Variants in CDK13 observed in about 807,000 individuals in gnomAD.
The protein encoded by CDK13 is cyclin dependent kinase 13, also known as cyclin-dependent kinase 13.
CDK13 carries 40 observed loss-of-function variants against 137.6 expected under a neutral mutation model. The ratio of observed to expected loss-of-function variants is 0.29; its 90% confidence interval spans 0.23 to 0.38. CDK13 has a LOEUF of 0.38. Among genes scored for constraint, CDK13 ranks in the 10% least tolerant of loss-of-function variants. The probability of loss-of-function intolerance (pLI) is 1.00; values close to 1 mark genes in which losing one functional copy is unlikely to be tolerated. For missense variants in CDK13, 1,704 were observed against 1,951.8 expected, an observed-to-expected ratio of 0.87 and a Z score of 2.39; for synonymous variants, 869 against 760.1, an observed-to-expected ratio of 1.14 and a Z score of -2.36.
chr7:39,980,361 A>G (rs1399969396), intron 1 of CDK13, among the ~76,000 whole-genome samples: 2 of 152,192 alleles, frequency 1.3e-5, no homozygotes, highest in African/African-American at 4.8e-5. Flanking sequence ...AGTAATATAG[A>G]TTAGAGTGGA....
chr7:40,018,106 T>G (rs1224879000), intron 5 of CDK13, among the ~76,000 whole-genome samples: 1 of 152,208 alleles, frequency 6.6e-6, no homozygotes, highest in East Asian at 1.9e-4. Context: ...TTTGTGCATT[T>G]TAGATGGATA....
chr7:40,081,657 T>C (rs1786665593), intron 11 of CDK13, among the ~76,000 whole-genome samples: 1 of 152,268 alleles, frequency 6.6e-6, no homozygotes, highest in Non-Finnish European at 1.5e-5. Flanking sequence ...TAAATTGTCA[T>C]TGTAAATATC....
At chr7:40,051,276 A>G (rs1266565907) in intron 7 of CDK13, among the ~76,000 whole-genome samples, 2 of 150,102 alleles carry the variant, frequency 1.3e-5, no homozygotes, top group African/African-American at 2.4e-5. Context: ...TTTTTTTTTT[A>G]AGAGAATAAT....
chr7:40,010,233 C>A (rs1412821124), intron 5 of CDK13, among the ~76,000 whole-genome samples: 1 of 152,040 alleles, frequency 6.6e-6, no homozygotes, highest in Non-Finnish European at 1.5e-5. Context: ...AGTGACAGAT[C>A]ATCAGGCATC....
chr7:39,992,140 A>C, intron 2 of CDK13, among the ~76,000 whole-genome samples: 1 of 147,062 alleles, frequency 6.8e-6, no homozygotes, highest in Non-Finnish European at 1.5e-5. Flanking sequence ...CTCCATCTCT[A>C]GTTGTTTAAG....
At chr7:40,050,122 G>T (rs768732554) in intron 7 of CDK13, among the ~76,000 whole-genome samples, 2 of 152,010 alleles carry the variant, frequency 1.3e-5, no homozygotes, top group Non-Finnish European at 2.9e-5. Context: ...GGGATTACAG[G>T]CCACATTTTC....
chr7:40,025,921 T>G (rs924675082), intron 5 of CDK13, among the ~76,000 whole-genome samples: 4 of 152,228 alleles, frequency 2.6e-5, no homozygotes, highest in African/African-American at 9.7e-5. Flanking sequence ...AAGCAATTTT[T>G]TTTGTTGCCA....
intron 5 of CDK13, among the ~76,000 whole-genome samples, chr7:40,011,395 A>T (rs1784891043): frequency 6.6e-6 from 1 of 152,196 alleles, no homozygotes; most frequent in South Asian, 2.1e-4. Flanking sequence ...TCTTCCTACA[A>T]AGCTAGAGTG....
At chr7:40,026,337 T>C (rs117912862) in intron 5 of CDK13, among the ~76,000 whole-genome samples, 1,717 of 152,158 alleles carry the variant, frequency 0.011, 19 homozygotes, top group Middle Eastern at 0.017. Context: ...AGCTAGACCC[T>C]ATCTCTAAAA....
intron 7 of CDK13, among the ~76,000 whole-genome samples, chr7:40,051,303 T>C (rs2150519871): frequency 1.3e-5 from 2 of 152,170 alleles, no homozygotes; most frequent in Non-Finnish European, 2.9e-5. Flanking sequence ...TTCTTCAGAA[T>C]CTCCTGGAGA....
chr7:40,009,355 T>G (rs745532938), intron 5 of CDK13, among the ~76,000 whole-genome samples: 1 of 152,254 alleles, frequency 6.6e-6, no homozygotes, highest in African/African-American at 2.4e-5. Flanking sequence ...TATTGAAGTT[T>G]TATGCTTGGA....
intron 2 of CDK13, among the ~76,000 whole-genome samples, chr7:39,996,433 A>G (rs1361723533): frequency 2.6e-5 from 4 of 152,228 alleles, no homozygotes; most frequent in Non-Finnish European, 4.4e-5. Context: ...AAGTTAAGAT[A>G]TACTTTAAAA....
chr7:40,049,970 CT>C (rs952795267), intron 7 of CDK13, among the ~76,000 whole-genome samples: 1 of 151,276 alleles, frequency 6.6e-6, no homozygotes, highest in African/African-American at 2.5e-5. Context: ...CCACATTTTC[CT>C]TTTTTTGTTT....
intron 7 of CDK13, among the ~76,000 whole-genome samples, chr7:40,053,557 G>C (rs1162151614): frequency 1.3e-5 from 2 of 151,802 alleles, no homozygotes; most frequent in Non-Finnish European, 1.5e-5. Context: ...TGTTTCTTTT[G>C]TATGTAATTA....
rs1441340265 is a variant in CDK13 at position 40,078,751 on chromosome 7, T to G, written c.2929T>G (p.Tyr977Asp). The change falls in exon 11 of 14, where the codon TAC (tyrosine) becomes GAC (aspartate). Residue 977 changes from tyrosine (Y) to aspartate (D), a missense_variant. Tyr to Asp is a radical substitution (Grantham distance 160). This residue lies in a region of CDK13 where 45 missense variants were observed against 57.0 expected (regional missense o/e 0.79). Transcript: ENST00000181839. ...IPAAALDLFD[Y>D]MLALDPSKRC... ...TGCAGCTGCGCTAGACTTATTTGAT[T>G]ACATGCTTGCCTTGGATCCTAGTAA... The G allele has an allele frequency of 1.3e-6, 2 of 1,547,726 alleles. No homozygotes were observed. Among genetic ancestry groups the G allele is most frequent in the Non-Finnish European group, 1.7e-6 (2 of 1,145,096 alleles).
intron 5 of CDK13, among the ~76,000 whole-genome samples, chr7:40,041,700 T>C (rs1785609647): frequency 6.6e-6 from 1 of 152,214 alleles, no homozygotes; most frequent in African/African-American, 2.4e-5. Context: ...GATAGCGGTA[T>C]GTGTATATTT....
intron 11 of CDK13, among the ~76,000 whole-genome samples, chr7:40,083,917 A>G (rs57667402): frequency 0.14 from 21,635 of 150,652 alleles, 5,085 homozygotes; most frequent in African/African-American, 0.49. Flanking sequence ...AGTAGTTAAA[A>G]TTATGCATTA....
At chr7:39,988,284 A>G (rs1187595310) in intron 2 of CDK13, 26 bp downstream of exon 2, 1 of 1,541,098 alleles carries the variant, frequency 6.5e-7, no homozygotes, top group African/African-American at 1.4e-5. Flanking sequence ...ATTTGTCAAT[A>G]ACTGTTCAAA....
intron 3 of CDK13, 101 bp downstream of exon 3, chr7:39,997,765 A>G: frequency 2.4e-6 from 2 of 850,022 alleles, no homozygotes; most frequent in Non-Finnish European, 3.6e-6. Flanking sequence ...TAAAAAATGT[A>G]CTTATTCTTT....
Sources: gnomAD v4.1 joint callset for allele counts (sites outside exome capture counted in the v4.1 genomes callset) on GRCh38, gnomAD v4.1.1 for gene constraint, gnomAD v4.1.1 regional missense constraint, MANE v1.5 for transcripts, NCBI Gene and HGNC (gene_info 2026-07-23, HGNC 2026-07-21) for gene names.